GJB6: variants seen among roughly 807,000 people sequenced by gnomAD.
The protein encoded by GJB6 is gap junction protein beta 6.
In GJB6, 5 loss-of-function variants were observed where a neutral mutation model predicts 5.4. The ratio of observed to expected loss-of-function variants is 0.92; its 90% CI spans 0.48 to 1.93. The LOEUF (loss-of-function observed/expected upper bound fraction) is 1.93. Ranked by LOEUF, GJB6 falls within the 30% of genes most tolerant of loss-of-function variation. The pLI is 0.01. For missense variants in GJB6, 298 were observed against 326.9 expected (o/e 0.91, Z 0.68); for synonymous variants, 136 against 129.6 (o/e 1.05, Z -0.34).
chr13:20,230,279 A>C (rs1369111309), intron 3 of GJB6, among the ~76,000 whole-genome samples: 1 of 152,230 alleles, frequency 6.6e-6, no homozygotes, highest in African/African-American at 2.4e-5. Context: ...CTCAATAAAA[A>C]TGAAACGTTT....
Position 20,222,613 on chromosome 13 carries a change from A to C in GJB6, c.*82T>G. 1 of 1,154,082 alleles carries C rather than the reference A, an allele frequency of 8.7e-7. No individual in the cohort carries two copies. The highest frequency in any genetic ancestry group is 1.2e-5 in the South Asian group (1 of 81,060). The allele number at this position is 1,154,082 out of a possible 1,614,324, so 71.5% of individuals were successfully genotyped here. ...GTCATTTACAAACTCTTCAGGCTAC[A>C]GAAGGAACTTTCAGGTTGGTATTGC... On this transcript the variant is annotated 3_prime_UTR_variant, in exon 5 of 5. Transcript: ENST00000647029.
chr13:20,228,266 T>C (rs1593367790), intron 4 of GJB6, among the ~76,000 whole-genome samples: 1 of 152,336 alleles, frequency 6.6e-6, no homozygotes, highest in East Asian at 1.9e-4. Flanking sequence ...ATATTAACTC[T>C]TTCTTCGGAA....
At chr13:20,229,139 A>G (rs1445841155) in intron 4 of GJB6, among the ~76,000 whole-genome samples, 7 of 144,394 alleles carry the variant, frequency 4.8e-5, no homozygotes, top group Non-Finnish European at 1.1e-4. Context: ...AAAAAAAAAA[A>G]AAAAAAAAAA....
chr13:20,229,141 AAAAAAAAAAT>A lies in GJB6; in HGVS notation c.-16+429_-16+438del, dbSNP rs1445249697. On this transcript the variant is annotated intron_variant, in intron 4 of 4. Transcript: ENST00000647029. ...CATTTAGCAAAAAAAAAAAAAAAAA[AAAAAAAAAAT>A]TTTTTTTTTTTTTTTTAGACAGAGT... Among the ~76,000 whole-genome samples, 293 of 144,994 alleles carry A rather than the reference AAAAAAAAAAT, an allele frequency of 2.0e-3. 2 individuals are homozygous for A. Among genetic ancestry groups the A allele is most frequent in the African/African-American group, 7.0e-3 (272 of 39,054 alleles).
rs1459486698 is a variant in GJB6, at chr13:20,228,675, G to A, written c.-16+905C>T. Among the ~76,000 whole-genome samples, 236 of 111,606 alleles carry A rather than the reference G, an allele frequency of 2.1e-3. 2 individuals carry two copies. Among genetic ancestry groups the A allele is most frequent in the African/African-American group, 5.7e-3 (213 of 37,240 alleles). 73.2% of individuals were successfully genotyped at this position (111,606 alleles called of 152,430 possible). A position where few individuals can be genotyped will look rare whatever the true frequency, so the allele number is the denominator to read the frequency against. On this transcript the variant is annotated intron_variant, in intron 4 of 4. Transcript: ENST00000647029. ...AATTTTTTGTATTTTTAGTAGAGAC[G>A]GGGTTTCACCGTGTTAGCCAGGATG...
intron 4 of GJB6, among the ~76,000 whole-genome samples, chr13:20,228,682 C>T (rs1040327247): frequency 5.2e-5 from 5 of 96,074 alleles, no homozygotes; most frequent in Admixed American, 2.1e-4. Context: ...GACGGGGTTT[C>T]ACCGTGTTAG....
At chr13:20,229,911 C>T (rs2137356649) in intron 3 of GJB6, 162 bp from the exon 4 acceptor site, 1 of 149,182 alleles carries the variant, frequency 6.7e-6, no homozygotes, top group South Asian at 2.1e-4. Context: ...ATGCTCTATG[C>T]TTTGAACACA....
At chr13:20,223,851 C>T (rs1041945492) in intron 4 of GJB6, among the ~76,000 whole-genome samples, 6 of 152,012 alleles carry the variant, frequency 3.9e-5, no homozygotes, top group Admixed American at 1.3e-4. Flanking sequence ...CACCTGTAGT[C>T]CCAGCTACTT....
intron 4 of GJB6, among the ~76,000 whole-genome samples, chr13:20,227,218 G>A (rs545284379): frequency 2.0e-5 from 3 of 152,132 alleles, no homozygotes; most frequent in South Asian, 2.1e-4. Context: ...CAAGCCACAC[G>A]GTCTGAGGGT....
At position 20,230,297 on chromosome 13, in the gene GJB6, T is replaced by A. The variant is rs55643447; in HGVS notation, c.-186+401A>T. ...AATAAAAATGAAACGTTTCTGTCTGTGGAGTCTAGATGTAAAAATGGAAAA... is the reference window on the plus strand; with the variant it reads ...AATAAAAATGAAACGTTTCTGTCTGAGGAGTCTAGATGTAAAAATGGAAAA... On this transcript the variant is annotated intron_variant, in intron 3 of 4. Coordinates refer to ENST00000647029, the MANE Select transcript of GJB6 (RefSeq NM_001110219.3). Among the ~76,000 whole-genome samples, 274 of 152,358 alleles carry A rather than the reference T, an allele frequency of 1.8e-3. 2 individuals are homozygous for A. The highest frequency in any genetic ancestry group is 2.9e-3 in the Non-Finnish European group (200 of 68,038).
intron 4 of GJB6, among the ~76,000 whole-genome samples, chr13:20,228,511 T>C (rs1331361638): frequency 6.6e-6 from 1 of 151,176 alleles, no homozygotes; most frequent in African/African-American, 2.4e-5. Flanking sequence ...TGAGATGGAG[T>C]CTAGCTCTGT....
intron 4 of GJB6, among the ~76,000 whole-genome samples, chr13:20,229,123 CAAAAAAAAAAAAAAA>C (rs5802041): frequency 2.3e-5 from 1 of 43,872 alleles, no homozygotes; most frequent in Non-Finnish European, 3.7e-5. Flanking sequence ...TGTCATTTAG[CAAAAAAAAAAAAAAA>C]AAAAAAAAAA....
intron 3 of GJB6, among the ~76,000 whole-genome samples, chr13:20,230,335 C>T (rs188012100): frequency 2.6e-5 from 4 of 152,292 alleles, no homozygotes; most frequent in East Asian, 1.9e-4. Context: ...CATGCAATTA[C>T]GTATGTTTCT....
intron 4 of GJB6, among the ~76,000 whole-genome samples, chr13:20,225,941 G>A (rs558180037): frequency 5.9e-5 from 9 of 152,222 alleles, no homozygotes; most frequent in South Asian, 2.1e-4. Context: ...CCTTATCAGC[G>A]GGACATCAGC....
At chr13:20,229,811 C>CT (rs1869960880) in intron 3 of GJB6, 62 bp from the exon 4 acceptor site, 3 of 130,660 alleles carry the variant, frequency 2.3e-5, no homozygotes, top group Non-Finnish European at 4.9e-5. Context: ...CCCCGCCCCC[C>CT]GCAATATGTC....
intron 4 of GJB6, among the ~76,000 whole-genome samples, chr13:20,228,778 C>G (rs551843482): frequency 2.2e-4 from 34 of 152,058 alleles, no homozygotes; most frequent in Middle Eastern, 3.4e-3. Flanking sequence ...GCCACCGCGC[C>G]CGGCCCATGC....
chr13:20,225,936 T>C (rs1869546717), intron 4 of GJB6, among the ~76,000 whole-genome samples: 1 of 152,180 alleles, frequency 6.6e-6, no homozygotes, highest in Non-Finnish European at 1.5e-5. Context: ...AACATCCTTA[T>C]CAGCGGGACA....
At chr13:20,228,583 A>G (rs1313340574) in intron 4 of GJB6, among the ~76,000 whole-genome samples, 1 of 149,354 alleles carries the variant, frequency 6.7e-6, no homozygotes. Flanking sequence ...TCCCGGGTTC[A>G]CGCCGTTCTC....
chr13:20,228,529 G>A lies in GJB6; in HGVS notation c.-16+1051C>T, dbSNP rs1337774643. ...GATGGAGTCTAGCTCTGTTGCCCAAGCTGGAGTACCGTGGCACGATCTCGG... is the reference window on the plus strand; with the variant it reads ...GATGGAGTCTAGCTCTGTTGCCCAAACTGGAGTACCGTGGCACGATCTCGG... On this transcript the variant is annotated intron_variant, in intron 4 of 4. Coordinates refer to ENST00000647029, the MANE Select transcript of GJB6 (RefSeq NM_001110219.3). Among the ~76,000 whole-genome samples the A allele has an allele frequency of 2.0e-5, 3 of 150,914 alleles. No homozygotes were observed. The East Asian group carries it at 5.9e-4, about 30-fold the overall frequency.
Sources: allele counts gnomAD v4.1 joint callset (sites outside exome capture counted in the v4.1 genomes callset), GRCh38; gene constraint gnomAD v4.1.1; transcripts MANE v1.5; gene names NCBI Gene and HGNC (gene_info 2026-07-23, HGNC 2026-07-21).